ZRANB3: variants seen among roughly 807,000 people sequenced by gnomAD.
ZRANB3 encodes the protein zinc finger RANBP2-type containing 3.
ZRANB3 carries 125 observed loss-of-function variants against 133.8 expected under a neutral mutation model. That is an observed-to-expected ratio of 0.93 (90% confidence interval 0.81 to 1.08). The LOEUF (loss-of-function observed/expected upper bound fraction) is 1.08. Among genes scored for constraint, ZRANB3 ranks in the 50% least tolerant of loss-of-function variants. The pLI is 0.00. For missense variants in ZRANB3, 1,229 were observed against 1,275.5 expected (o/e 0.96, Z 0.56); for synonymous variants, 387 against 432.7 (o/e 0.89, Z 1.31).
chr2:135,213,148 A>T (rs1694170885), intron 17 of ZRANB3, among the ~76,000 whole-genome samples: 1 of 151,876 alleles, frequency 6.6e-6, no homozygotes, highest in Non-Finnish European at 1.5e-5. Context: ...AGTACTTTTA[A>T]GAGAGAAATC....
intron 1 of ZRANB3, among the ~76,000 whole-genome samples, chr2:135,529,493 C>T (rs1694310072): frequency 6.6e-6 from 1 of 152,014 alleles, no homozygotes; most frequent in South Asian, 2.1e-4. Context: ...CCTGTAGTCA[C>T]ACGTTTTTTG....
At chr2:135,373,786 A>G (rs1290206743) in intron 3 of ZRANB3, among the ~76,000 whole-genome samples, 9 of 34,686 alleles carry the variant, frequency 2.6e-4, no homozygotes, top group African/African-American at 6.1e-4. Flanking sequence ...GTCAAAAAAA[A>G]GAAAAGAAAA....
intron 12 of ZRANB3, among the ~76,000 whole-genome samples, chr2:135,237,527 A>G (rs1695347632): frequency 6.6e-6 from 1 of 151,302 alleles, no homozygotes; most frequent in African/African-American, 2.4e-5. Flanking sequence ...AATAGCAAAG[A>G]CTTGGAACCA....
rs1392721785 is a variant in ZRANB3 at position 135,529,884 on chromosome 2, A to G, written c.-8+1243T>C. On this transcript the variant is annotated intron_variant, in intron 1 of 20. Transcript: ENST00000264159. ...GGCCACTCTTGATTATCAATCCTTC[A>G]AACAGAAAAGCCCTTTTCTGTGACT... Among the ~76,000 whole-genome samples, 7 of 151,876 alleles carry G rather than the reference A, an allele frequency of 4.6e-5. No homozygotes were observed. In the East Asian group the frequency reaches 1.4e-3, roughly 30 times the overall value.
intron 2 of ZRANB3, among the ~76,000 whole-genome samples, chr2:135,453,966 G>C (rs1050147167): frequency 6.6e-6 from 1 of 152,166 alleles, no homozygotes; most frequent in Admixed American, 6.5e-5. Flanking sequence ...AACAAAAAGA[G>C]GTTTAATTGG....
chr2:135,333,677 A>G (rs1032246881), intron 6 of ZRANB3, among the ~76,000 whole-genome samples: 3 of 152,202 alleles, frequency 2.0e-5, no homozygotes, highest in African/African-American at 7.2e-5. Context: ...CAGAGTTTCA[A>G]TCTGTAATGA....
intron 2 of ZRANB3, among the ~76,000 whole-genome samples, chr2:135,412,595 T>A (rs1001665045): frequency 1.3e-5 from 2 of 152,140 alleles, no homozygotes; most frequent in African/African-American, 2.4e-5. Flanking sequence ...AGTTTTTTGA[T>A]CTGCAGTTTT....
chr2:135,327,814 A>G (rs1683911343), intron 6 of ZRANB3, among the ~76,000 whole-genome samples: 1 of 152,206 alleles, frequency 6.6e-6, no homozygotes, highest in Non-Finnish European at 1.5e-5. Context: ...CACATGGCAT[A>G]GTATCATATA....
At chr2:135,408,260 C>A (rs1263294735) in intron 2 of ZRANB3, among the ~76,000 whole-genome samples, 1 of 152,134 alleles carries the variant, frequency 6.6e-6, no homozygotes, top group African/African-American at 2.4e-5. Flanking sequence ...AAATGCAGAT[C>A]AAAACCACAA....
intron 12 of ZRANB3, among the ~76,000 whole-genome samples, chr2:135,237,401 G>A (rs1695341798): frequency 6.6e-6 from 1 of 152,020 alleles, no homozygotes; most frequent in Non-Finnish European, 1.5e-5. Flanking sequence ...CAGGGATGTA[G>A]AACTAGAAAT....
intron 2 of ZRANB3, among the ~76,000 whole-genome samples, chr2:135,429,304 T>A (rs897710327): frequency 6.6e-6 from 1 of 152,160 alleles, no homozygotes; most frequent in African/African-American, 2.4e-5. Flanking sequence ...AAGTGCCACA[T>A]ATTCACTTAT....
At chr2:135,293,109 T>A (rs562978077) in intron 8 of ZRANB3, among the ~76,000 whole-genome samples, 2 of 152,218 alleles carry the variant, frequency 1.3e-5, no homozygotes, top group African/African-American at 4.8e-5. Context: ...AACTTTAAAG[T>A]AGTTTTTTCC....
At chr2:135,221,603 T>C (rs2105056494) in intron 15 of ZRANB3, among the ~76,000 whole-genome samples, 1 of 152,366 alleles carries the variant, frequency 6.6e-6, no homozygotes, top group South Asian at 2.1e-4. Flanking sequence ...CTGCCTGGTG[T>C]CTGTCCTTTG....
In ZRANB3 at chr2:135,199,201, T is replaced by A. The variant is rs1693517234; in HGVS notation, c.*1141A>T. ...TCATCATCACTCTTTTTAAAATAAG[T>A]ACCAGAAACATACCTTTAATAACAC... is the stretch of plus-strand genomic sequence containing the variant. On this transcript the variant is annotated 3_prime_UTR_variant, in exon 21 of 21. Transcript: ENST00000264159. 1 of 152,240 alleles carries A rather than the reference T, an allele frequency of 6.6e-6. No homozygotes were observed. Among genetic ancestry groups the A allele is most frequent in the Non-Finnish European group, 1.5e-5 (1 of 68,040 alleles). 9.4% of individuals were successfully genotyped at this position (152,240 alleles called of 1,614,324 possible).
chr2:135,311,506 T>A (rs768211310), intron 8 of ZRANB3, among the ~76,000 whole-genome samples: 9 of 151,808 alleles, frequency 5.9e-5, no homozygotes, highest in Non-Finnish European at 8.8e-5. Flanking sequence ...GGCCTGTACA[T>A]GAATGATTAT....
intron 15 of ZRANB3, among the ~76,000 whole-genome samples, chr2:135,220,854 A>ATTTTTTTTTTTTTTTTTTTTTTTT (rs199874707): frequency 1.4e-5 from 2 of 144,892 alleles, no homozygotes. Context: ...TGAACTAGGA[A>ATTTTTTTTTTTTTTTTTTTTTTTT]TTTATTTTTT....
intron 8 of ZRANB3, among the ~76,000 whole-genome samples, chr2:135,291,515 C>T (rs760025135): frequency 1.4e-4 from 22 of 151,788 alleles, no homozygotes; most frequent in Non-Finnish European, 2.8e-4. Flanking sequence ...GGTTGTTTAA[C>T]GTAATCCCCA....
intron 1 of ZRANB3, among the ~76,000 whole-genome samples, chr2:135,509,170 G>GA (rs964265730): frequency 8.0e-5 from 12 of 150,448 alleles, no homozygotes; most frequent in East Asian, 1.9e-4. Context: ...ATGATTTAAA[G>GA]AAAAAAAAAT....
intron 2 of ZRANB3, among the ~76,000 whole-genome samples, chr2:135,461,940 A>G (rs1008253822): frequency 3.3e-5 from 5 of 152,296 alleles, no homozygotes; most frequent in Middle Eastern, 3.4e-3. Flanking sequence ...TTCAGTAAAC[A>G]CCCCTAGCCT....
Sources: gnomAD v4.1 joint callset for allele counts (sites outside exome capture counted in the v4.1 genomes callset) on GRCh38, gnomAD v4.1.1 for gene constraint, MANE v1.5 for transcripts, NCBI Gene and HGNC (gene_info 2026-07-23, HGNC 2026-07-21) for gene names.